Variants in DLGAP2 observed in about 807,000 individuals in gnomAD.
DLGAP2 encodes disks large-associated protein 2.
A neutral mutation model predicts 100.3 loss-of-function variants in DLGAP2; 26 were observed. The observed-to-expected ratio is 0.26, with a 90% CI of 0.19 to 0.36. The LOEUF (loss-of-function observed/expected upper bound fraction) is 0.36. Among genes scored for constraint, DLGAP2 ranks in the 10% least tolerant of loss-of-function variants. DLGAP2 has a pLI of 1.00. For synonymous variants in DLGAP2, 886 were observed against 630.1 expected (o/e 1.41, Z -6.08); for missense variants, 1,858 against 1,453.2 (o/e 1.28, Z -4.53).
chr8:1,633,433 G>A (rs553563713), intron 8 of DLGAP2, among the ~76,000 whole-genome samples: 168 of 152,138 alleles, frequency 1.1e-3, no homozygotes, highest in Non-Finnish European at 1.6e-3. Flanking sequence ...CTGTAGTGAC[G>A]TCCAGCCGGT....
At position 1,450,563 on chromosome 8, in the gene DLGAP2, C is replaced by G. The variant is rs139221643; in HGVS notation, c.107-50803C>G. ...TTAAGGCACTGCGGGGCTGGCAGGACTCGCCTTTCTGTGAACCATGGCCCC... is the reference window on the plus strand; with the variant it reads ...TTAAGGCACTGCGGGGCTGGCAGGAGTCGCCTTTCTGTGAACCATGGCCCC... On this transcript the variant is annotated intron_variant, in intron 3 of 14. Transcript: ENST00000637795. 3.1e-3 allele frequency among the ~76,000 whole-genome samples: 469 copies of G among 151,820 alleles called. 2 individuals are homozygous for G. Among genetic ancestry groups the G allele is most frequent in the African/African-American group, 0.01 (421 of 41,198 alleles).
rs80328171 is a variant in DLGAP2 at position 1,654,906 on chromosome 8, A to T, written c.1811-13423A>T. Among the ~76,000 whole-genome samples, 12 of 152,290 alleles carry T rather than the reference A, an allele frequency of 7.9e-5. No individual in the cohort carries two copies. The East Asian group carries it at 2.3e-3, about 29-fold the overall frequency. On this transcript the variant is annotated intron_variant, in intron 8 of 14. Coordinates refer to ENST00000637795, the MANE Select transcript of DLGAP2 (RefSeq NM_001346810.2). ...TTAGAAACATGTGACTCTTCCGTTC[A>T]CTAAACGTTGATGCATTCTCAGTGT...
chr8:1,346,196 A>G (rs896576801), intron 3 of DLGAP2, among the ~76,000 whole-genome samples: 14 of 152,138 alleles, frequency 9.2e-5, no homozygotes, highest in Non-Finnish European at 1.3e-4. Flanking sequence ...ACAGAGCTGC[A>G]TTGCACTCAC....
intron 3 of DLGAP2, among the ~76,000 whole-genome samples, chr8:1,335,773 C>T (rs1055530370): frequency 2.6e-5 from 4 of 152,214 alleles, no homozygotes; most frequent in Non-Finnish European, 4.4e-5. Flanking sequence ...TATTTATGTC[C>T]TTCCTTGTTC....
intron 2 of DLGAP2, among the ~76,000 whole-genome samples, chr8:1,081,255 TC>T (rs1212066315): frequency 6.6e-6 from 1 of 152,250 alleles, no homozygotes; most frequent in African/African-American, 2.4e-5. Context: ...ACTTACAGGT[TC>T]CTGCACTTAG....
intron 2 of DLGAP2, among the ~76,000 whole-genome samples, chr8:967,433 A>G (rs998873927): frequency 6.6e-6 from 1 of 152,154 alleles, no homozygotes; most frequent in Non-Finnish European, 1.5e-5. Context: ...TCTAAGAAAA[A>G]GTAGCTGTTG....
rs535219358 is a variant in DLGAP2, at chr8:1,377,426, C to A, written c.106+118543C>A. Among the ~76,000 whole-genome samples the A allele has an allele frequency of 2.6e-5, 4 of 152,298 alleles. No individual in the cohort carries two copies. The South Asian group carries it at 6.2e-4, about 24-fold the overall frequency. ...AGGCGAGGTGGCAGGCGCCTATAGT[C>A]GCAGCTACTCTGGAGGCTGAGACAG... On this transcript the variant is annotated intron_variant, in intron 3 of 14. Coordinates refer to ENST00000637795, the MANE Select transcript of DLGAP2 (RefSeq NM_001346810.2).
chr8:860,372 C>A (rs17065371), intron 1 of DLGAP2, among the ~76,000 whole-genome samples: 14 of 152,294 alleles, frequency 9.2e-5, no homozygotes, highest in African/African-American at 2.6e-4. Flanking sequence ...CTGTTTGCTG[C>A]GGCTGAGAAA....
intron 3 of DLGAP2, among the ~76,000 whole-genome samples, chr8:1,374,357 G>A (rs996109624): frequency 2.6e-5 from 4 of 152,178 alleles, no homozygotes; most frequent in African/African-American, 9.7e-5. Context: ...GTTCGGCACG[G>A]GTCCAGTGAC....
intron 3 of DLGAP2, among the ~76,000 whole-genome samples, chr8:1,302,947 C>A (rs1375556500): frequency 6.6e-6 from 1 of 152,232 alleles, no homozygotes; most frequent in Non-Finnish European, 1.5e-5. Context: ...AAAACATGCA[C>A]GTCCTTGGAG....
chr8:1,291,354 A>C (rs949538283), intron 3 of DLGAP2, among the ~76,000 whole-genome samples: 1 of 152,170 alleles, frequency 6.6e-6, no homozygotes, highest in African/African-American at 2.4e-5. Flanking sequence ...AGAAGCAAGC[A>C]GGAGTAGCTA....
chr8:764,542 T>G (rs1821162764), intron 1 of DLGAP2, among the ~76,000 whole-genome samples: 2 of 152,250 alleles, frequency 1.3e-5, no homozygotes, highest in Non-Finnish European at 2.9e-5. Context: ...ACAGACTCTG[T>G]GGCTGATTTT....
intron 1 of DLGAP2, among the ~76,000 whole-genome samples, chr8:885,259 G>T (rs557983200): frequency 1.6e-4 from 25 of 152,260 alleles, no homozygotes; most frequent in African/African-American, 5.5e-4. Context: ...TATCCATGAG[G>T]ATGGAATGTT....
At chr8:872,910 C>G (rs367889348) in intron 1 of DLGAP2, among the ~76,000 whole-genome samples, 1 of 152,142 alleles carries the variant, frequency 6.6e-6, no homozygotes, top group African/African-American at 2.4e-5. Context: ...CGCAGATCCA[C>G]GGATGCTCAA....
rs979416472 is a variant in DLGAP2 at position 1,632,971 on chromosome 8, G to A, written c.1735G>A (p.Gly579Ser). 1.2e-6 allele frequency: 2 copies of A among 1,613,906 alleles called. No homozygotes were observed. Among genetic ancestry groups the A allele is most frequent in the Non-Finnish European group, 1.7e-6 (2 of 1,179,880 alleles). Reference protein sequence around the residue: ...SHSYLRAIQAGYSQDDECIPM... With the variant: ...SHSYLRAIQASYSQDDECIPM... Reference sequence around the variant, plus strand: ...CAGCTACCTTCGAGCCATTCAAGCCGGCTACTCCCAAGATGACGAATGTAT... The same window carrying A: ...CAGCTACCTTCGAGCCATTCAAGCCAGCTACTCCCAAGATGACGAATGTAT... The change falls in exon 8 of 15, where the codon GGC becomes AGC. Residue 579 changes from glycine (G) to serine (S), a missense_variant. Transcript: ENST00000637795.
intron 1 of DLGAP2, among the ~76,000 whole-genome samples, chr8:860,640 C>G (rs1797371506): frequency 6.6e-6 from 1 of 152,180 alleles, no homozygotes; most frequent in South Asian, 2.1e-4. Context: ...GGACTTAAAC[C>G]ATTTTCAACT....
At chr8:1,647,288 T>C (rs1214378807) in intron 8 of DLGAP2, among the ~76,000 whole-genome samples, 1 of 151,780 alleles carries the variant, frequency 6.6e-6, no homozygotes, top group East Asian at 1.9e-4. Context: ...AGTGTGTCTT[T>C]ATCCTGGCTA....
At chr8:750,847 C>T (rs1474670723) in intron 1 of DLGAP2, among the ~76,000 whole-genome samples, 1 of 152,226 alleles carries the variant, frequency 6.6e-6, no homozygotes, top group Non-Finnish European at 1.5e-5. Flanking sequence ...AAAAAGAATT[C>T]AAATTGGCTA....
chr8:1,329,517 A>G (rs911161830), intron 3 of DLGAP2, among the ~76,000 whole-genome samples: 1 of 152,252 alleles, frequency 6.6e-6, no homozygotes, highest in East Asian at 1.9e-4. Context: ...GAGTGTGTGC[A>G]TGTGTGTGCA....
Sources: allele counts gnomAD v4.1 joint callset (sites outside exome capture counted in the v4.1 genomes callset), GRCh38; gene constraint gnomAD v4.1.1; transcripts MANE v1.5; gene names NCBI Gene and HGNC (gene_info 2026-07-23, HGNC 2026-07-21).